Variants in FLT1 observed in about 807,000 individuals in gnomAD.
The protein encoded by FLT1 is vascular endothelial growth factor receptor 1.
A neutral mutation model predicts 156.3 loss-of-function variants in FLT1; 49 were observed. The ratio of observed to expected loss-of-function variants is 0.31; its 90% confidence interval spans 0.25 to 0.40. The LOEUF (loss-of-function observed/expected upper bound fraction) is 0.40, where lower values mean the gene tolerates loss of function less well. FLT1 is among the 10% of genes least tolerant of loss of function. FLT1 has a pLI of 1.00. For synonymous variants in FLT1, 594 were observed against 583.8 expected, an observed-to-expected ratio of 1.02 and a Z score of -0.25; for missense variants, 1,322 against 1,637.2, an observed-to-expected ratio of 0.81 and a Z score of 3.32.
intron 3 of FLT1, among the ~76,000 whole-genome samples, chr13:28,451,558 C>T (rs1214343118): frequency 6.6e-6 from 1 of 151,898 alleles, no homozygotes; most frequent in Non-Finnish European, 1.5e-5. Flanking sequence ...ACACTGGGGA[C>T]AGTGGGTTTT....
At chr13:28,464,261 A>G (rs1179961501) in intron 3 of FLT1, among the ~76,000 whole-genome samples, 1 of 152,228 alleles carries the variant, frequency 6.6e-6, no homozygotes, top group Admixed American at 6.5e-5. Context: ...AGTGATAGAT[A>G]ATTTCCTAAT....
intron 1 of FLT1, among the ~76,000 whole-genome samples, chr13:28,473,800 AAGAAAGAAAG>A (rs1349808802): frequency 2.3e-5 from 3 of 131,816 alleles, no homozygotes; most frequent in Non-Finnish European, 4.9e-5. Flanking sequence ...GAAAGAAAGA[AAGAAAGAAAG>A]AAAGAAAGAA....
chr13:28,399,279 A>G (rs1423546952), intron 11 of FLT1, among the ~76,000 whole-genome samples: 1 of 152,164 alleles, frequency 6.6e-6, no homozygotes, highest in African/African-American at 2.4e-5. Flanking sequence ...TTTTTTATGA[A>G]GTTAGTTCTC....
chr13:28,494,844 G>C lies in FLT1; in HGVS notation c.-1C>G. 1.9e-6 allele frequency: 3 copies of C among 1,556,858 alleles called. No individual in the cohort carries two copies. The highest frequency in any genetic ancestry group is 1.4e-5 in the African/African-American group (1 of 71,620). ...CCCCGGTGTCCCAGTAGCTGACCAT[G>C]GTGAGCGCGACGCGGCCTGCTCGCC... On this transcript the variant is annotated 5_prime_UTR_variant, in exon 1 of 30. Coordinates refer to ENST00000282397, the MANE Select transcript of FLT1 (RefSeq NM_002019.4).
intron 12 of FLT1, among the ~76,000 whole-genome samples, chr13:28,393,717 G>T (rs939275684): frequency 2.1e-4 from 32 of 152,250 alleles, no homozygotes; most frequent in African/African-American, 6.7e-4. Context: ...CTCCCAAGTA[G>T]GTGGGAATAC....
chr13:28,317,787 C>T (rs908103743), intron 24 of FLT1, among the ~76,000 whole-genome samples, 190 bp from the exon 25 acceptor site: 1 of 152,218 alleles, frequency 6.6e-6, no homozygotes, highest in South Asian at 2.1e-4. Flanking sequence ...GCTAAGGACA[C>T]CCGCTTGGTT....
At chr13:28,330,710 A>C (rs1297347758) in intron 18 of FLT1, among the ~76,000 whole-genome samples, 1 of 147,880 alleles carries the variant, frequency 6.8e-6, no homozygotes, top group Non-Finnish European at 1.5e-5. Context: ...ATTTCTTTTT[A>C]TTTTTTATTT....
At chr13:28,353,788 C>T (rs976980811) in intron 15 of FLT1, among the ~76,000 whole-genome samples, 3 of 152,124 alleles carry the variant, frequency 2.0e-5, no homozygotes, top group Non-Finnish European at 4.4e-5. Context: ...CATGTGCCCT[C>T]GTGCTGGCAC....
At chr13:28,335,399 C>A (rs535066444) in intron 17 of FLT1, among the ~76,000 whole-genome samples, 1 of 152,258 alleles carries the variant, frequency 6.6e-6, no homozygotes, top group South Asian at 2.1e-4. Context: ...CTTCTTTCCT[C>A]CCTTCCTTCC....
intron 11 of FLT1, among the ~76,000 whole-genome samples, chr13:28,401,192 CATAA>C (rs1211982342): frequency 5.3e-5 from 8 of 152,196 alleles, no homozygotes; most frequent in Admixed American, 2.0e-4. Context: ...TGCCAAAATA[CATAA>C]ATAAATAAAT....
chr13:28,405,894 C>G lies in FLT1; in HGVS notation c.1437G>C (p.Arg479Ser), dbSNP rs1309375561. Residue 479 changes from arginine (R) to serine (S), a missense_variant and splice_region_variant, in exon 11 of 30, where the codon AGG (arginine) becomes AGC (serine). Around this residue, in one of 3 missense-constraint regions of FLT1, gnomAD observed 991 missense variants for 1,254.8 expected, o/e 0.79. Transcript: ENST00000282397. The part of the protein sequence containing the change: ...HPCNHNHSEA[R>S]CDFCSNNEES... ...CTTCATTATTGGAACAAAAGTCACACCTATTAAAAAAAAAAGTTGTCACAA... is the reference window on the plus strand; with the variant it reads ...CTTCATTATTGGAACAAAAGTCACAGCTATTAAAAAAAAAAGTTGTCACAA... 1 of 1,553,516 alleles carries G rather than the reference C, an allele frequency of 6.4e-7. No homozygotes were observed. Among genetic ancestry groups the G allele is most frequent in the Non-Finnish European group, 8.8e-7 (1 of 1,130,704 alleles).
intron 15 of FLT1, among the ~76,000 whole-genome samples, chr13:28,349,149 C>T (rs922590842): frequency 2.0e-5 from 3 of 152,198 alleles, no homozygotes; most frequent in Non-Finnish European, 2.9e-5. Flanking sequence ...TTCACTGCTA[C>T]ATTTCCAGGG....
intron 1 of FLT1, among the ~76,000 whole-genome samples, chr13:28,489,236 C>A (rs576543617): frequency 6.6e-6 from 1 of 152,226 alleles, no homozygotes; most frequent in South Asian, 2.1e-4. Context: ...AATGAACAGG[C>A]AGGAGCACAT....
chr13:28,436,739 T>A (rs536538042), intron 4 of FLT1, among the ~76,000 whole-genome samples: 1 of 152,362 alleles, frequency 6.6e-6, no homozygotes, highest in Non-Finnish European at 1.5e-5. Flanking sequence ...GGTGTTAAAC[T>A]GTTAAATAAT....
intron 24 of FLT1, among the ~76,000 whole-genome samples, chr13:28,319,030 T>G (rs1871326092): frequency 6.6e-6 from 1 of 152,126 alleles, no homozygotes; most frequent in Non-Finnish European, 1.5e-5. Context: ...TGGCCTTTCC[T>G]AGGAAGAAAT....
chr13:28,461,178 C>T (rs985228037), intron 3 of FLT1, among the ~76,000 whole-genome samples: 4 of 151,900 alleles, frequency 2.6e-5, no homozygotes, highest in African/African-American at 9.7e-5. Flanking sequence ...TCATTTGATT[C>T]CATAGCCCAT....
At position 28,357,868 on chromosome 13, in the gene FLT1, C is replaced by CTTT. The variant is rs57304530; in HGVS notation, c.2117-186_2117-184dup. ...CCAGGCTTTCTTTTTCTTTTCTTTCCTTTTTTTTTTTTTTTTTTTTTCTGC... is the reference window on the plus strand; with the variant it reads ...CCAGGCTTTCTTTTTCTTTTCTTTCCTTTTTTTTTTTTTTTTTTTTTTTTCTGC... On this transcript the variant is annotated intron_variant, in intron 14 of 29. Transcript: ENST00000282397. Among the ~76,000 whole-genome samples the CTTT allele has an allele frequency of 8.6e-3, 896 of 104,696 alleles. 35 individuals are homozygous for CTTT. Among genetic ancestry groups the CTTT allele is most frequent in the Admixed American group, 0.042 (357 of 8,480 alleles). 68.7% of individuals were successfully genotyped at this position (104,696 alleles called of 152,430 possible).
intron 14 of FLT1, among the ~76,000 whole-genome samples, chr13:28,384,624 C>G (rs1213679620): frequency 6.6e-6 from 1 of 152,160 alleles, no homozygotes; most frequent in East Asian, 1.9e-4. Context: ...CTTCTCATTT[C>G]TTTCTGAATG....
At chr13:28,446,449 G>A (rs1878623189) in intron 3 of FLT1, among the ~76,000 whole-genome samples, 1 of 152,078 alleles carries the variant, frequency 6.6e-6, no homozygotes, top group East Asian at 1.9e-4. Flanking sequence ...TAATAAATGA[G>A]TTCAGCAAGA....
Sources: allele counts gnomAD v4.1 joint callset (sites outside exome capture counted in the v4.1 genomes callset), GRCh38; gene constraint gnomAD v4.1.1; regional missense constraint gnomAD v4.1.1; transcripts MANE v1.5; gene names NCBI Gene and HGNC (gene_info 2026-07-23, HGNC 2026-07-21).